Variants in GRM7 observed in about 807,000 individuals in gnomAD.
GRM7 encodes metabotropic glutamate receptor 7.
In GRM7, 35 loss-of-function variants were observed where a neutral mutation model predicts 84.5. That is an observed-to-expected ratio of 0.41 (90% CI 0.32 to 0.55). The LOEUF is 0.55. Among genes scored for constraint, GRM7 ranks in the 20% least tolerant of loss-of-function variants. GRM7 has a pLI of 0.19. For missense variants in GRM7, 1,003 were observed against 1,194.6 expected, an observed-to-expected ratio of 0.84 and a Z score of 2.36; for synonymous variants, 487 against 455.1, an observed-to-expected ratio of 1.07 and a Z score of -0.89.
At chr3:7,240,083 A>G (rs1458350775) in intron 2 of GRM7, among the ~76,000 whole-genome samples, 1 of 142,802 alleles carries the variant, frequency 7.0e-6, no homozygotes, top group Non-Finnish European at 1.5e-5. Flanking sequence ...TCAAATGTGT[A>G]TGAGTAAGGA....
At chr3:7,640,560 T>C (rs1042506952) in intron 8 of GRM7, among the ~76,000 whole-genome samples, 23 of 152,198 alleles carry the variant, frequency 1.5e-4, no homozygotes, top group African/African-American at 5.5e-4. Context: ...AAATTTAAAA[T>C]CTGAATGATG....
chr3:7,011,097 C>G (rs994675228), intron 1 of GRM7, among the ~76,000 whole-genome samples: 2 of 152,092 alleles, frequency 1.3e-5, no homozygotes, highest in African/African-American at 4.8e-5. Context: ...AAGGTTTTGT[C>G]CTCTCACAGC....
At chr3:7,587,132 T>C (rs1200560004) in intron 8 of GRM7, among the ~76,000 whole-genome samples, 3 of 152,200 alleles carry the variant, frequency 2.0e-5, no homozygotes, top group Non-Finnish European at 2.9e-5. Context: ...GTTTATTATA[T>C]ATTGATTATA....
chr3:7,392,486 A>G (rs1358746442), intron 4 of GRM7, among the ~76,000 whole-genome samples: 1 of 152,218 alleles, frequency 6.6e-6, no homozygotes, highest in African/African-American at 2.4e-5. Context: ...AGGTTTCTAA[A>G]TAATGTCTCT....
chr3:7,325,211 G>A (rs1248437188), intron 4 of GRM7, among the ~76,000 whole-genome samples: 1 of 152,134 alleles, frequency 6.6e-6, no homozygotes, highest in East Asian at 1.9e-4. Context: ...TATATTTACC[G>A]AGCTGTCACC....
intron 1 of GRM7, among the ~76,000 whole-genome samples, chr3:7,138,006 A>G (rs887830998): frequency 1.4e-4 from 22 of 152,068 alleles, no homozygotes; most frequent in African/African-American, 5.3e-4. Flanking sequence ...TAAGACATCC[A>G]AGTGCATGAG....
chr3:7,254,902 G>A (rs1487502191), intron 2 of GRM7, among the ~76,000 whole-genome samples: 5 of 152,146 alleles, frequency 3.3e-5, no homozygotes, highest in Non-Finnish European at 5.9e-5. Context: ...AACTGCTGTT[G>A]GTACTACTTC....
intron 1 of GRM7, among the ~76,000 whole-genome samples, chr3:7,097,294 G>T (rs1285842808): frequency 6.6e-6 from 1 of 152,080 alleles, no homozygotes; most frequent in Non-Finnish European, 1.5e-5. Context: ...CCAGAAAATG[G>T]CTAGTGCTGT....
chr3:6,974,686 T>C (rs1693919709), intron 1 of GRM7, among the ~76,000 whole-genome samples: 1 of 152,060 alleles, frequency 6.6e-6, no homozygotes, highest in African/African-American at 2.4e-5. Flanking sequence ...TGGGGTAAGA[T>C]AAGGACCGAG....
intron 1 of GRM7, among the ~76,000 whole-genome samples, chr3:6,971,521 A>G (rs1693758771): frequency 2.6e-5 from 4 of 152,212 alleles, no homozygotes; most frequent in South Asian, 2.1e-4. Flanking sequence ...CTAGATTACT[A>G]CTGTCTAAAT....
At chr3:6,951,116 C>A (rs189999792) in intron 1 of GRM7, among the ~76,000 whole-genome samples, 42 of 152,336 alleles carry the variant, frequency 2.8e-4, no homozygotes, top group Admixed American at 3.9e-4. Flanking sequence ...GCAGAAATCA[C>A]CCATCTTCTG....
At position 7,707,237 on chromosome 3, in the gene GRM7, A is replaced by G. The variant is rs1363914188; in HGVS notation, c.2698+26942A>G. Among the ~76,000 whole-genome samples the G allele has an allele frequency of 2.6e-5, 4 of 152,144 alleles. No homozygotes were observed. In the East Asian group the frequency reaches 7.7e-4, roughly 29 times the overall value. Reference sequence around the variant, plus strand: ...TACTTCCTGTGACCAACTAGGAGAAAAATGCATTTCTTGAGAAGACTGACA... The same window carrying G: ...TACTTCCTGTGACCAACTAGGAGAAGAATGCATTTCTTGAGAAGACTGACA... On this transcript the variant is annotated intron_variant, in intron 9 of 9. Transcript: ENST00000357716.
chr3:7,440,265 T>G (rs1697232824), intron 5 of GRM7, among the ~76,000 whole-genome samples: 1 of 152,152 alleles, frequency 6.6e-6, no homozygotes, highest in Admixed American at 6.6e-5. Flanking sequence ...AGCTATCAAC[T>G]CTAGCAATAG....
At chr3:7,248,150 C>G (rs1467296440) in intron 2 of GRM7, among the ~76,000 whole-genome samples, 3 of 152,170 alleles carry the variant, frequency 2.0e-5, no homozygotes, top group Non-Finnish European at 4.4e-5. Flanking sequence ...AGCATGTCCA[C>G]TTACAGACTT....
intron 1 of GRM7, among the ~76,000 whole-genome samples, chr3:7,060,564 G>A (rs377759575): frequency 6.6e-6 from 1 of 151,788 alleles, no homozygotes; most frequent in East Asian, 1.9e-4. Flanking sequence ...AGCTGATCAT[G>A]AGTCAGGAAC....
At chr3:7,700,801 G>A (rs756965045) in intron 9 of GRM7, among the ~76,000 whole-genome samples, 4 of 152,174 alleles carry the variant, frequency 2.6e-5, no homozygotes, top group Non-Finnish European at 5.9e-5. Context: ...GTATCTTGCG[G>A]CATTTTAAGG....
intron 4 of GRM7, among the ~76,000 whole-genome samples, chr3:7,341,865 A>G (rs1362781148): frequency 2.0e-5 from 3 of 152,080 alleles, no homozygotes; most frequent in Non-Finnish European, 4.4e-5. Flanking sequence ...TGGAACCTGA[A>G]CTCAGTCTGA....
intron 8 of GRM7, among the ~76,000 whole-genome samples, chr3:7,635,696 C>G (rs1401729388): frequency 6.6e-6 from 1 of 152,122 alleles, no homozygotes. Context: ...TTTTTAGGGA[C>G]AAGGTCTTGC....
At chr3:7,460,390 A>AT (rs3840245) in intron 6 of GRM7, among the ~76,000 whole-genome samples, 60,135 of 149,814 alleles carry the variant, frequency 0.4, 13,543 homozygotes, top group Non-Finnish European at 0.54. Flanking sequence ...ACTATAAACA[A>AT]TTTTTTTTTT....
Sources: gnomAD v4.1 joint callset for allele counts (sites outside exome capture counted in the v4.1 genomes callset) on GRCh38, gnomAD v4.1.1 for gene constraint, MANE v1.5 for transcripts, NCBI Gene and HGNC (gene_info 2026-07-23, HGNC 2026-07-21) for gene names.